Variants in IFT88 observed in about 807,000 individuals in gnomAD.
IFT88 encodes intraflagellar transport 88.
A neutral mutation model predicts 119.5 loss-of-function variants in IFT88; 74 were observed. The ratio of observed to expected loss-of-function variants is 0.62; its 90% CI spans 0.51 to 0.75. The LOEUF is 0.75. Among genes scored for constraint, IFT88 ranks in the 30% least tolerant of loss-of-function variants. The probability of loss-of-function intolerance (pLI) is 0.00; values close to 1 mark genes in which losing one functional copy is unlikely to be tolerated. For missense variants in IFT88, 961 were observed against 977.7 expected (o/e 0.98, Z 0.23); for synonymous variants, 279 against 316.7 (o/e 0.88, Z 1.26).
At chr13:20,651,496 G>T (rs2051690722) in intron 20 of IFT88, among the ~76,000 whole-genome samples, 1 of 149,554 alleles carries the variant, frequency 6.7e-6, no homozygotes, top group Non-Finnish European at 1.5e-5. Context: ...AGTAGCCTCA[G>T]CATTATTTAT....
At chr13:20,668,463 T>G (rs2055155011) in intron 23 of IFT88, among the ~76,000 whole-genome samples, 1 of 152,236 alleles carries the variant, frequency 6.6e-6, no homozygotes, top group African/African-American at 2.4e-5. Flanking sequence ...GTTTTACTTT[T>G]GAAGTTGCCT....
chr13:20,640,682 T>A (rs958527957), intron 17 of IFT88, among the ~76,000 whole-genome samples: 10 of 152,216 alleles, frequency 6.6e-5, no homozygotes, highest in African/African-American at 2.4e-4. Flanking sequence ...TGATTTTAAA[T>A]GTCTTTAACT....
intron 14 of IFT88, among the ~76,000 whole-genome samples, chr13:20,622,967 G>T (rs1000477588): frequency 3.3e-5 from 5 of 152,160 alleles, no homozygotes; most frequent in Non-Finnish European, 7.3e-5. Flanking sequence ...ATTTTACAGG[G>T]AGGTCTTTGA....
At chr13:20,597,852 C>G (rs981502091) in intron 9 of IFT88, among the ~76,000 whole-genome samples, 2 of 151,638 alleles carry the variant, frequency 1.3e-5, no homozygotes, top group Non-Finnish European at 2.9e-5. Flanking sequence ...TTTTAATGCT[C>G]TATCAAGGTG....
intron 20 of IFT88, among the ~76,000 whole-genome samples, chr13:20,650,666 A>G (rs1483331535): frequency 2.6e-5 from 4 of 152,202 alleles, no homozygotes; most frequent in Non-Finnish European, 4.4e-5. Context: ...GAGATGAAGT[A>G]AAAATTAACC....
intron 24 of IFT88, among the ~76,000 whole-genome samples, chr13:20,673,675 T>TA (rs1267710965): frequency 6.6e-6 from 1 of 152,222 alleles, no homozygotes; most frequent in Non-Finnish European, 1.5e-5. Flanking sequence ...CCAGATCTGA[T>TA]ACCTGTGTGC....
chr13:20,618,156 G>A (rs1380162819), intron 14 of IFT88, among the ~76,000 whole-genome samples: 5 of 152,206 alleles, frequency 3.3e-5, no homozygotes, highest in Non-Finnish European at 7.4e-5. Flanking sequence ...TCCTGACCTC[G>A]TGATCCGCTC....
At chr13:20,625,261 G>T (rs141544802) in intron 14 of IFT88, among the ~76,000 whole-genome samples, 297 of 152,284 alleles carry the variant, frequency 2.0e-3, no homozygotes, top group African/African-American at 6.8e-3. Context: ...TAGGGTTGTT[G>T]TGAGGGTTAA....
chr13:20,690,845 C>CTGG, intron 25 of IFT88, 30 bp downstream of exon 25: 1 of 1,512,550 alleles, frequency 6.6e-7, no homozygotes, highest in Middle Eastern at 1.7e-4. Flanking sequence ...TTCCTCCAGG[C>CTGG]ATAGCAGGTC....
intron 14 of IFT88, among the ~76,000 whole-genome samples, chr13:20,618,863 T>C (rs1398694147): frequency 3.1e-3 from 4 of 1,278 alleles, no homozygotes; most frequent in East Asian, 0.17. Context: ...TTTTTTCCCT[T>C]TTTTTTTTTT....
intron 14 of IFT88, among the ~76,000 whole-genome samples, chr13:20,621,924 C>T (rs1398665599): frequency 6.6e-6 from 1 of 152,174 alleles, no homozygotes; most frequent in Admixed American, 6.5e-5. Context: ...CCTTAGCAAC[C>T]ACTGATCTTT....
In IFT88 at chr13:20,673,731, G is replaced by T. The variant is rs561122655; in HGVS notation, c.2242+2692G>T. 3.3e-3 allele frequency among the ~76,000 whole-genome samples: 497 copies of T among 152,274 alleles called. 1 individual carries two copies. The highest frequency in any genetic ancestry group is 0.011 in the South Asian group (51 of 4,818). The stretch of plus-strand genomic sequence containing the variant: ...CTTGAAGAGTTCCCTTCTGGTCCTG[G>T]CCTCCCACTGCTGCTTTTTCTTTTT... On this transcript the variant is annotated intron_variant, in intron 24 of 25. Coordinates refer to ENST00000351808, the MANE Select transcript of IFT88 (RefSeq NM_006531.5).
At chr13:20,582,389 G>A (rs2038865647) in intron 2 of IFT88, among the ~76,000 whole-genome samples, 1 of 152,144 alleles carries the variant, frequency 6.6e-6, no homozygotes, top group Non-Finnish European at 1.5e-5. Flanking sequence ...AGTGCAGGTT[G>A]GACTTGTTGA....
chr13:20,648,901 G>C (rs1351665487), intron 20 of IFT88, among the ~76,000 whole-genome samples: 1 of 152,058 alleles, frequency 6.6e-6, no homozygotes, highest in East Asian at 1.9e-4. Flanking sequence ...GACAAAACAG[G>C]CTTTAAGTCA....
At chr13:20,683,786 TTTGA>T (rs2057587880) in intron 24 of IFT88, among the ~76,000 whole-genome samples, 1 of 152,218 alleles carries the variant, frequency 6.6e-6, no homozygotes, top group African/African-American at 2.4e-5. Flanking sequence ...AATCCTCCTG[TTTGA>T]TTAATTTCAC....
chr13:20,638,262 CTGTA>C, intron 16 of IFT88, 66 bp from the exon 17 acceptor site: 1 of 811,056 alleles, frequency 1.2e-6, no homozygotes, highest in Non-Finnish European at 1.8e-6. Flanking sequence ...TTTATTATGT[CTGTA>C]ATCTCAGAAC....
chr13:20,690,608 T>C, intron 24 of IFT88, 97 bp from the exon 25 acceptor site: 1 of 774,708 alleles, frequency 1.3e-6, no homozygotes, highest in Non-Finnish European at 2.2e-6. Context: ...AACAACCTGC[T>C]TGTTTCTTGG....
At chr13:20,599,631 C>T in intron 11 of IFT88, 66 bp downstream of exon 11, 1 of 723,794 alleles carries the variant, frequency 1.4e-6, no homozygotes, top group Non-Finnish European at 2.4e-6. Context: ...GATAACTCTT[C>T]TGACCTGTTT....
intron 24 of IFT88, among the ~76,000 whole-genome samples, chr13:20,680,128 G>A (rs1327506580): frequency 6.6e-6 from 1 of 152,160 alleles, no homozygotes; most frequent in East Asian, 1.9e-4. Context: ...GTTTTTGAGG[G>A]TGGTAAACTT....
Sources: gnomAD v4.1 joint callset for allele counts (sites outside exome capture counted in the v4.1 genomes callset) on GRCh38, gnomAD v4.1.1 for gene constraint, MANE v1.5 for transcripts, NCBI Gene and HGNC (gene_info 2026-07-23, HGNC 2026-07-21) for gene names.